The following WDR11 variants were observed in gnomAD, a reference collection of about 807,000 sequenced individuals.
The protein encoded by WDR11 is WD repeat-containing protein 11.
Under a neutral mutation model 151.2 loss-of-function variants are expected in WDR11, and 83 were observed. That is an observed-to-expected ratio of 0.55 (90% CI 0.46 to 0.66). The LOEUF (loss-of-function observed/expected upper bound fraction) is 0.66, where lower values mean the gene tolerates loss of function less well. Among genes scored for constraint, WDR11 ranks in the 30% least tolerant of loss-of-function variants. The pLI, the probability that WDR11 is intolerant of heterozygous loss-of-function variation, is 0.00. For missense variants in WDR11, 1,301 were observed against 1,480.9 expected, an observed-to-expected ratio of 0.88 and a Z score of 1.99; for synonymous variants, 484 against 533.1, an observed-to-expected ratio of 0.91 and a Z score of 1.27.
At chr10:120,885,677 T>C in intron 14 of WDR11, 137 bp from the exon 15 acceptor site, 1 of 1,160,124 alleles carries the variant, frequency 8.6e-7, no homozygotes, top group Non-Finnish European at 1.2e-6. Context: ...GTAGGTAAAA[T>C]CTAAAGAACA....
At chr10:120,852,496 T>G (rs760942076) in intron 1 of WDR11, 28 bp from the exon 2 acceptor site, 1 of 1,602,076 alleles carries the variant, frequency 6.2e-7, no homozygotes, top group African/African-American at 1.3e-5. Flanking sequence ...TGTTCTGTAC[T>G]TAAACTTTAA....
chr10:120,874,642 G>A (rs1157296107), intron 11 of WDR11, among the ~76,000 whole-genome samples: 1 of 151,868 alleles, frequency 6.6e-6, no homozygotes, highest in African/African-American at 2.4e-5. Context: ...TCCCACTTAT[G>A]AGTGAGAACA....
rs1474450118 is a variant in WDR11, at chr10:120,909,363, A to G, written c.*650A>G. 6.5e-6 allele frequency: 1 copy of G among 153,420 alleles called. No individual in the cohort carries two copies. Among genetic ancestry groups the G allele is most frequent in the Admixed American group, 6.5e-5 (1 of 15,398 alleles). The allele number at this position is 153,420 out of a possible 1,614,324, so 9.5% of individuals were successfully genotyped here. On this transcript the variant is annotated 3_prime_UTR_variant, in exon 29 of 29. Coordinates refer to ENST00000263461, the MANE Select transcript of WDR11 (RefSeq NM_018117.12). The stretch of plus-strand genomic sequence containing the variant: ...GATATTTTGAATTTTAACTCCTTTT[A>G]TGATACATCACAGTAACCTCATTTT...
intron 6 of WDR11, 106 bp from the exon 7 acceptor site, chr10:120,865,523 AT>A (rs968258970): frequency 1.3e-4 from 100 of 761,870 alleles, no homozygotes; most frequent in Middle Eastern, 3.8e-4. Flanking sequence ...GGATTTGTCT[AT>A]TTTTTTTTCT....
In WDR11 at chr10:120,865,127, C is replaced by G; in HGVS notation, c.794C>G (p.Pro265Arg). 1 of 1,613,942 alleles carries G rather than the reference C, an allele frequency of 6.2e-7. No individual in the cohort carries two copies. The highest frequency in any genetic ancestry group is 8.5e-7 in the Non-Finnish European group (1 of 1,179,878). Reference sequence around the variant, plus strand: ...AGGAATCACATGTTGTTGCTCTATCCTCGAGAGATTTTAATCCTTGACCTT... The same window carrying G: ...AGGAATCACATGTTGTTGCTCTATCGTCGAGAGATTTTAATCCTTGACCTT... ...SKRNHMLLLY[P>R]REILILDLEV... The change falls in exon 6 of 29, where the codon CCT becomes CGT. Residue 265 changes from proline to arginine, a missense_variant. Around this residue, in one of 3 missense-constraint regions of WDR11, gnomAD observed 692 missense variants for 762.5 expected, o/e 0.91. Transcript: ENST00000263461.
At chr10:120,872,174 C>CT (rs1217064107) in intron 10 of WDR11, among the ~76,000 whole-genome samples, 4 of 152,156 alleles carry the variant, frequency 2.6e-5, no homozygotes, top group African/African-American at 9.7e-5. Flanking sequence ...GTTAAAGACT[C>CT]ATTTGGGTAT....
intron 5 of WDR11, among the ~76,000 whole-genome samples, chr10:120,863,647 A>G (rs1846214086): frequency 6.6e-6 from 1 of 152,124 alleles, no homozygotes; most frequent in Non-Finnish European, 1.5e-5. Flanking sequence ...TATAGCAATA[A>G]TCTGTATATT....
chr10:120,860,363 C>T, intron 4 of WDR11, 81 bp downstream of exon 4: 13 of 1,448,226 alleles, frequency 9.0e-6, no homozygotes, highest in Non-Finnish European at 1.2e-5. Context: ...GATATACACA[C>T]ACATTATACA....
At chr10:120,900,447 A>G (rs1340290591) in intron 20 of WDR11, among the ~76,000 whole-genome samples, 1 of 152,166 alleles carries the variant, frequency 6.6e-6, no homozygotes, top group African/African-American at 2.4e-5. Context: ...AGGCAGGAGA[A>G]TTTGGAGCCG....
chr10:120,904,933 T>C, intron 25 of WDR11, 122 bp downstream of exon 25: 4 of 1,114,368 alleles, frequency 3.6e-6, no homozygotes, highest in Non-Finnish European at 5.3e-6. Context: ...ATAGAAAAAT[T>C]ATTGCTACCT....
At position 120,904,660 on chromosome 10, in the gene WDR11, G is replaced by T; in HGVS notation, c.3042G>T (p.Val1014=). The T allele has an allele frequency of 6.2e-7, 1 of 1,614,190 alleles. No individual in the cohort carries two copies. The highest frequency in any genetic ancestry group is 8.5e-7 in the Non-Finnish European group (1 of 1,180,028). Reference sequence around the variant, plus strand: ...TCTCTTACTAGACAGACAGAGCTGTGCAGTTGCTGTTGGAAACAAGTGCAG... The same window carrying T: ...TCTCTTACTAGACAGACAGAGCTGTTCAGTTGCTGTTGGAAACAAGTGCAG... The part of the protein sequence containing the change: ...LLLLGQTDRA[V]QLLLETSADN... Residue 1014 remains valine (V), a synonymous_variant, in exon 25 of 29, where the codon GTG becomes GTT. Coordinates refer to ENST00000263461, the MANE Select transcript of WDR11 (RefSeq NM_018117.12).
chr10:120,893,461 G>A (rs1250737258), intron 19 of WDR11, among the ~76,000 whole-genome samples: 2 of 152,066 alleles, frequency 1.3e-5, no homozygotes, highest in Admixed American at 6.6e-5. Context: ...TGTGAATAGT[G>A]CCGTAATAAA....
intron 14 of WDR11, chr10:120,885,274 T>TACACACACACAC (rs1456456025): frequency 3.5e-5 from 3 of 85,430 alleles, no homozygotes; most frequent in African/African-American, 1.5e-4. Context: ...GGATGAAGTA[T>TACACACACACAC]ATATATATAT....
At chr10:120,898,497 G>C (rs1590112130) in intron 19 of WDR11, among the ~76,000 whole-genome samples, 1 of 152,102 alleles carries the variant, frequency 6.6e-6, no homozygotes, top group East Asian at 1.9e-4. Context: ...CTGGATAATT[G>C]CACAGTCCAG....
chr10:120,884,040 T>C, intron 14 of WDR11, 152 bp downstream of exon 14: 1 of 664,154 alleles, frequency 1.5e-6, no homozygotes, highest in Non-Finnish European at 2.6e-6. Flanking sequence ...TAAATGGAGA[T>C]AATTCTTATT....
chr10:120,892,246 C>A (rs1180695688), intron 19 of WDR11, among the ~76,000 whole-genome samples: 1 of 152,198 alleles, frequency 6.6e-6, no homozygotes, highest in African/African-American at 2.4e-5. Context: ...CATACTTGAA[C>A]ATCTGGCCTG....
At position 120,903,027 on chromosome 10, in the gene WDR11, A is replaced by G. The variant is rs371850231; in HGVS notation, c.2754-28A>G. On this transcript the variant is annotated intron_variant, in intron 22 of 28. Transcript: ENST00000263461. ...CATCCAGGCCAGGTGTGCTGAGTGC[A>G]GTCAAAACTTTGCTTCATCCTTGCC... is the stretch of plus-strand genomic sequence containing the variant. 3.5e-4 allele frequency: 566 copies of G among 1,612,460 alleles called. 1 individual carries two copies. Among genetic ancestry groups the G allele is most frequent in the Non-Finnish European group, 4.6e-4 (540 of 1,179,646 alleles).
chr10:120,880,178 T>A (rs1846947732), intron 12 of WDR11: 1 of 152,254 alleles, frequency 6.6e-6, no homozygotes, highest in African/African-American at 2.4e-5. Flanking sequence ...AGACAATTGC[T>A]GTACCATAAA....
rs148592310 is a variant in WDR11 at position 120,869,615 on chromosome 10, A to G, written c.1295-1555A>G. ...TAAATAAAGAGGCTGATTTATATTC[A>G]CTGGATAAATGCTGATACTTATTAA... On this transcript the variant is annotated intron_variant, in intron 9 of 28. Coordinates refer to ENST00000263461, the MANE Select transcript of WDR11 (RefSeq NM_018117.12). Among the ~76,000 whole-genome samples, 12 of 152,272 alleles carry G rather than the reference A, an allele frequency of 7.9e-5. No individual in the cohort carries two copies. The East Asian group carries it at 2.1e-3, about 27-fold the overall frequency.
Sources: allele counts gnomAD v4.1 joint callset (sites outside exome capture counted in the v4.1 genomes callset), GRCh38; gene constraint gnomAD v4.1.1; regional missense constraint gnomAD v4.1.1; transcripts MANE v1.5; gene names NCBI Gene and HGNC (gene_info 2026-07-23, HGNC 2026-07-21).